The following PDLIM7 variants were observed in gnomAD, a reference collection of about 807,000 sequenced individuals.
PDLIM7 encodes the protein PDZ and LIM domain protein 7.
In PDLIM7, 37 loss-of-function variants were observed where a neutral mutation model predicts 53.9. The ratio of observed to expected loss-of-function variants is 0.69; its 90% confidence interval spans 0.53 to 0.90. The LOEUF is 0.90. Among genes scored for constraint, PDLIM7 ranks in the 40% least tolerant of loss-of-function variants. The pLI is 0.00. For missense variants in PDLIM7, 617 were observed against 638.5 expected (o/e 0.97, Z 0.36); for synonymous variants, 300 against 261.3 (o/e 1.15, Z -1.43).
rs751574760 is a variant in PDLIM7 at position 177,489,998 on chromosome 5, AGCAAT to A, written c.573-171_573-167del. 43 of 1,535,070 alleles carry A rather than the reference AGCAAT, an allele frequency of 2.8e-5. No individual in the cohort carries two copies. In the African/African-American group the frequency reaches 5.9e-4, roughly 21 times the overall value. Reference sequence around the variant, plus strand: ...AGGGATGGGAAGGGCAGCTTCTCCTAGCAATGTCCAGTTAGCTGGTGTGCGGTCTC... The same window carrying A: ...AGGGATGGGAAGGGCAGCTTCTCCTAGTCCAGTTAGCTGGTGTGCGGTCTC... On this transcript the variant is annotated intron_variant, in intron 7 of 12. Coordinates refer to ENST00000355841, the MANE Select transcript of PDLIM7 (RefSeq NM_005451.5).
chr5:177,485,278 A>G (rs1758381965), intron 10 of PDLIM7, among the ~76,000 whole-genome samples: 1 of 152,188 alleles, frequency 6.6e-6, no homozygotes, highest in Non-Finnish European at 1.5e-5. Context: ...TGGCCTCCGC[A>G]GGAGGTGGGA....
chr5:177,492,702 C>G, intron 2 of PDLIM7, 25 bp from the exon 3 acceptor site: 3 of 1,594,556 alleles, frequency 1.9e-6, no homozygotes, highest in South Asian at 1.1e-5. Context: ...GCAAAGTGAC[C>G]GAGGCCCTGG....
chr5:177,496,863 T>A, intron 1 of PDLIM7: 1 of 173,518 alleles, frequency 5.8e-6, no homozygotes, highest in Non-Finnish European at 1.2e-5. Context: ...GGCGGCCGGG[T>A]GAGTCAGGGG....
chr5:177,491,389 G>C (rs980130644), intron 5 of PDLIM7: 21 of 1,551,854 alleles, frequency 1.4e-5, no homozygotes, highest in Non-Finnish European at 1.7e-5. Context: ...CACAGGCAGA[G>C]GGGGGCTCAC....
intron 10 of PDLIM7, among the ~76,000 whole-genome samples, chr5:177,485,753 G>C (rs1435047686): frequency 3.9e-5 from 6 of 152,182 alleles, no homozygotes; most frequent in African/African-American, 1.4e-4. Context: ...GGGAGGCCAA[G>C]GTGGGAGGAT....
chr5:177,487,950 A>T, intron 10 of PDLIM7, 118 bp downstream of exon 10: 1 of 898,190 alleles, frequency 1.1e-6, no homozygotes, highest in Non-Finnish European at 1.7e-6. Flanking sequence ...CCCATTTATT[A>T]CGCTGGTAAG....
At chr5:177,484,992 A>C (rs1162948903) in intron 10 of PDLIM7, 2 of 152,666 alleles carry the variant, frequency 1.3e-5, no homozygotes, top group East Asian at 3.9e-4. Context: ...GCTCGAATGC[A>C]GTCTTCTCCA....
At position 177,496,499 on chromosome 5, in the gene PDLIM7, T is replaced by A; in HGVS notation, c.14A>T (p.Lys5Ile). ...AGGTGCTGGCCCCTCCAGCACTACTTTGAAGGAATCCATGATGCCGGCTCC... is the reference window on the plus strand; with the variant it reads ...AGGTGCTGGCCCCTCCAGCACTACTATGAAGGAATCCATGATGCCGGCTCC... The part of the protein sequence containing the change: MDSF[K>I]VVLEGPAPWG... Residue 5 changes from lysine (K) to isoleucine (I), a missense_variant, in exon 2 of 13, where the codon AAA becomes ATA. Transcript: ENST00000355841. 1 of 1,594,718 alleles carries A rather than the reference T, an allele frequency of 6.3e-7. No homozygotes were observed. Among genetic ancestry groups the A allele is most frequent in the African/African-American group, 1.4e-5 (1 of 74,066 alleles).
At position 177,483,727 on chromosome 5, in the gene PDLIM7, A is replaced by G. The variant is rs1237848567; in HGVS notation, c.1291T>C (p.Cys431Arg). The change falls in exon 13 of 13, where the codon TGT (cysteine) becomes CGT (arginine). Residue 431 changes from cysteine to arginine, a missense_variant. By Grantham distance (180) the Cys-to-Arg change is radical. Coordinates refer to ENST00000355841, the MANE Select transcript of PDLIM7 (RefSeq NM_005451.5). The stretch of plus-strand genomic sequence containing the variant: ...GTCTTTCCTTCCAGGTTGATCTGAC[A>G]TATCTAAGGACAGCAAAGGCCCAGT... ...WHDTCFVCAI[C>R]QINLEGKTFY... The G allele has an allele frequency of 1.2e-6, 2 of 1,612,226 alleles. No homozygotes were observed. The highest frequency in any genetic ancestry group is 1.1e-5 in the South Asian group (1 of 91,058).
Position 177,488,260 on chromosome 5 carries a change from C to T in PDLIM7, c.870-12G>A, listed in dbSNP as rs371974248. ...CCAGGTAGCGGCCCCTGCAGGGAGG[C>T]GAGAGCGGTCAGAGGGAGCACACGC... On this transcript the variant is annotated splice_polypyrimidine_tract_variant and intron_variant, in intron 9 of 12. Coordinates refer to ENST00000355841, the MANE Select transcript of PDLIM7 (RefSeq NM_005451.5). 1.8e-5 allele frequency: 29 copies of T among 1,585,806 alleles called. No homozygotes were observed. The highest frequency in any genetic ancestry group is 1.1e-5 in the South Asian group (1 of 88,138).
Position 177,489,846 on chromosome 5 carries a change from C to G in PDLIM7, c.573-14G>C, listed in dbSNP as rs749191601. 22 of 1,580,326 alleles carry G rather than the reference C, an allele frequency of 1.4e-5. No homozygotes were observed. The highest frequency in any genetic ancestry group is 1.8e-5 in the Non-Finnish European group (21 of 1,164,776). ...CTGGGCACCTGGCTGCAAGATCTGC[C>G]ATTCAAGGCCCTGCATGGCTGAGCT... On this transcript the variant is annotated splice_polypyrimidine_tract_variant and intron_variant, in intron 7 of 12. Transcript: ENST00000355841.
chr5:177,483,544 G>A lies in PDLIM7; in HGVS notation c.*100C>T. On this transcript the variant is annotated 3_prime_UTR_variant, in exon 13 of 13. Coordinates refer to ENST00000355841, the MANE Select transcript of PDLIM7 (RefSeq NM_005451.5). ...AGCCCCAGGCTCGGGCCAGGAGCCA[G>A]GGTTAAGGCAACCATTGCCAGCCCT... 1 of 874,006 alleles carries A rather than the reference G, an allele frequency of 1.1e-6. No homozygotes were observed. The highest frequency in any genetic ancestry group is 1.7e-5 in the South Asian group (1 of 60,454). The allele number at this position is 874,006 out of a possible 1,614,324, so 54.1% of individuals were successfully genotyped here.
chr5:177,485,906 A>G (rs1758412514), intron 10 of PDLIM7, among the ~76,000 whole-genome samples: 1 of 152,066 alleles, frequency 6.6e-6, no homozygotes, highest in African/African-American at 2.4e-5. Flanking sequence ...GGATCCTCTG[A>G]GCCCAGGAGA....
rs199569182 is a variant in PDLIM7, at chr5:177,492,554, C to G, written c.220G>C (p.Gly74Arg). ...CTGAGGCCCAGGCTGAGGCGCTCCC[C>G]GCAGGCCCGGATCTTGTTCTGAGCT... Reference protein sequence around the residue: ...IEAQNKIRACGERLSLGLSRA... With the variant: ...IEAQNKIRACRERLSLGLSRA... The change falls in exon 3 of 13, where the codon GGG becomes CGG. Residue 74 changes from glycine (G) to arginine (R), a missense_variant. Physicochemically the swap from Gly to Arg is moderately radical, Grantham distance 125 (BLOSUM62 -2). Coordinates refer to ENST00000355841, the MANE Select transcript of PDLIM7 (RefSeq NM_005451.5). 41 of 1,613,694 alleles carry G rather than the reference C, an allele frequency of 2.5e-5. No individual in the cohort carries two copies. The East Asian group carries it at 5.8e-4, about 23-fold the overall frequency.
intron 5 of PDLIM7, 42 bp downstream of exon 5, chr5:177,491,765 G>A: frequency 1.0e-6 from 1 of 965,708 alleles, no homozygotes; most frequent in Non-Finnish European, 1.4e-6. Flanking sequence ...GGGCCACAGT[G>A]GGCCTGATGG....
chr5:177,495,131 G>A (rs1759003441), intron 2 of PDLIM7: 1 of 152,474 alleles, frequency 6.6e-6, no homozygotes, highest in African/African-American at 2.4e-5. Flanking sequence ...CAGGGAGCAG[G>A]ACGTCAGGTA....
chr5:177,486,780 T>A (rs544621018), intron 10 of PDLIM7, among the ~76,000 whole-genome samples: 3 of 146,418 alleles, frequency 2.0e-5, no homozygotes, highest in Admixed American at 6.9e-5. Context: ...CTGGGACTAC[T>A]CCACCATGCC....
chr5:177,489,217 G>A (rs1043564406), intron 9 of PDLIM7, among the ~76,000 whole-genome samples, 176 bp downstream of exon 9: 1 of 152,222 alleles, frequency 6.6e-6, no homozygotes, highest in African/African-American at 2.4e-5. Context: ...GGTGGGCTGG[G>A]GTAGGTAGCG....
At chr5:177,495,163 C>T (rs891210372) in intron 2 of PDLIM7, 1 of 152,424 alleles carries the variant, frequency 6.6e-6, no homozygotes, top group Non-Finnish European at 1.5e-5. Context: ...TGTGTGAGGG[C>T]TATGTAGTGG....
Sources: gnomAD v4.1 joint callset for allele counts (sites outside exome capture counted in the v4.1 genomes callset) on GRCh38, gnomAD v4.1.1 for gene constraint, MANE v1.5 for transcripts, NCBI Gene and HGNC (gene_info 2026-07-23, HGNC 2026-07-21) for gene names.